Variants in IPO11 observed in about 807,000 individuals in gnomAD.
The protein encoded by IPO11 is importin-11.
Under a neutral mutation model 143.2 loss-of-function variants are expected in IPO11, and 66 were observed. The ratio of observed to expected loss-of-function variants is 0.46; its 90% CI spans 0.38 to 0.57. IPO11 has a LOEUF of 0.57. Among genes scored for constraint, IPO11 ranks in the 20% least tolerant of loss-of-function variants. IPO11 has a pLI of 0.00. For synonymous variants in IPO11, 385 were observed against 377.8 expected, an observed-to-expected ratio of 1.02 and a Z score of -0.22; for missense variants, 1,026 against 1,141.0, an observed-to-expected ratio of 0.90 and a Z score of 1.45.
chr5:62,583,243 T>A (rs1413730910), intron 27 of IPO11, among the ~76,000 whole-genome samples: 1 of 152,108 alleles, frequency 6.6e-6, no homozygotes, highest in African/African-American at 2.4e-5. Context: ...ACTTGTTCAT[T>A]GGGAAAAAAT....
At chr5:62,442,258 A>G (rs1428838439) in intron 2 of IPO11, among the ~76,000 whole-genome samples, 2 of 152,206 alleles carry the variant, frequency 1.3e-5, no homozygotes, top group Admixed American at 1.3e-4. Flanking sequence ...CTTTGAATCT[A>G]TGCTGTAGTG....
intron 5 of IPO11, among the ~76,000 whole-genome samples, chr5:62,463,260 G>A (rs1469611696): frequency 6.6e-6 from 1 of 151,876 alleles, no homozygotes; most frequent in African/African-American, 2.4e-5. Context: ...TGCCTAGGTG[G>A]GTCTTCAACT....
At chr5:62,524,629 A>C (rs1009943975) in intron 20 of IPO11, among the ~76,000 whole-genome samples, 7 of 152,120 alleles carry the variant, frequency 4.6e-5, no homozygotes, top group Non-Finnish European at 8.8e-5. Flanking sequence ...CTCCTTAATA[A>C]AGCCTTCCAA....
In IPO11 at chr5:62,487,876, G is replaced by T. The variant is rs201715533; in HGVS notation, c.1309+15G>T. 369 of 1,598,196 alleles carry T rather than the reference G, an allele frequency of 2.3e-4. 2 individuals carry two copies. Among genetic ancestry groups the T allele is most frequent in the African/African-American group, 1.3e-5 (1 of 74,208 alleles). On this transcript the variant is annotated intron_variant, in intron 13 of 29. Coordinates refer to ENST00000325324, the MANE Select transcript of IPO11 (RefSeq NM_016338.5). Reference sequence around the variant, plus strand: ...AACACTTCAAGGTAAGGCATATTTTGTGATTAACTTTGAGTTAATCTCTTT... The same window carrying T: ...AACACTTCAAGGTAAGGCATATTTTTTGATTAACTTTGAGTTAATCTCTTT...
intron 1 of IPO11, among the ~76,000 whole-genome samples, chr5:62,424,739 A>G (rs1436851566): frequency 6.6e-6 from 1 of 151,862 alleles, no homozygotes; most frequent in Non-Finnish European, 1.5e-5. Context: ...ACCACACCCA[A>G]TCTGAATATT....
chr5:62,591,510 GA>G (rs138760888), intron 27 of IPO11, 66 bp from the exon 28 acceptor site: 345 of 788,550 alleles, frequency 4.4e-4, no homozygotes, highest in South Asian at 4.7e-4. Context: ...AGATGTTTAG[GA>G]AAAAAAAAAC....
Position 62,622,361 on chromosome 5 carries a change from A to G in IPO11, c.2764-4793A>G, listed in dbSNP as rs573484889. Among the ~76,000 whole-genome samples the G allele has an allele frequency of 1.4e-3, 207 of 152,278 alleles. 5 individuals carry two copies. Among genetic ancestry groups the G allele is most frequent in the Admixed American group, 0.013 (202 of 15,290 alleles). On this transcript the variant is annotated intron_variant, in intron 29 of 29. Coordinates refer to ENST00000325324, the MANE Select transcript of IPO11 (RefSeq NM_016338.5). Reference sequence around the variant, plus strand: ...CTGCCAAGTGAAGAACTATTGTATAAAGATTTGTTGTGACTTTGCTGAGGC... The same window carrying G: ...CTGCCAAGTGAAGAACTATTGTATAGAGATTTGTTGTGACTTTGCTGAGGC...
chr5:62,543,475 A>G (rs1036098624), intron 24 of IPO11, among the ~76,000 whole-genome samples: 1 of 152,112 alleles, frequency 6.6e-6, no homozygotes, highest in Non-Finnish European at 1.5e-5. Context: ...ATTTGCATAG[A>G]GATGTTTATA....
intron 29 of IPO11, among the ~76,000 whole-genome samples, chr5:62,614,484 T>C (rs909021674): frequency 6.6e-6 from 1 of 152,232 alleles, no homozygotes; most frequent in Non-Finnish European, 1.5e-5. Context: ...TGTTGCTAAG[T>C]TCTGCAGTAC....
intron 28 of IPO11, among the ~76,000 whole-genome samples, chr5:62,599,651 G>A (rs541921473): frequency 6.6e-6 from 1 of 152,282 alleles, no homozygotes; most frequent in African/African-American, 2.4e-5. Context: ...TATTTAGCAG[G>A]CTGGAGTGCC....
At chr5:62,584,137 T>G (rs1474867624) in intron 27 of IPO11, among the ~76,000 whole-genome samples, 5 of 152,220 alleles carry the variant, frequency 3.3e-5, no homozygotes, top group African/African-American at 1.2e-4. Context: ...ACTTTTAAAT[T>G]TATAATTCCA....
chr5:62,426,931 G>GTTTTTTTTTTTTTTTTTTT (rs763031944), intron 1 of IPO11, among the ~76,000 whole-genome samples: 1 of 90,242 alleles, frequency 1.1e-5, no homozygotes, highest in Admixed American at 1.5e-4. Context: ...TTTTCTTTCT[G>GTTTTTTTTTTTTTTTTTTT]TTTTTTTTTT....
At chr5:62,505,941 G>T (rs1427340509) in intron 18 of IPO11, among the ~76,000 whole-genome samples, 1 of 152,076 alleles carries the variant, frequency 6.6e-6, no homozygotes, top group African/African-American at 2.4e-5. Context: ...TTAGTTAACA[G>T]TATAAAATTT....
chr5:62,580,430 A>G lies in IPO11; in HGVS notation c.2583-11147A>G, dbSNP rs1025389325. On this transcript the variant is annotated intron_variant, in intron 27 of 29. Transcript: ENST00000325324. ...ATGGGAGCATCTTTGAAGATCCTTA[A>G]TCTGTCATTTAATAATCTTACAGCC... is the stretch of plus-strand genomic sequence containing the variant. The G allele has an allele frequency of 1.9e-6, 3 of 1,551,272 alleles. No homozygotes were observed. Among genetic ancestry groups the G allele is most frequent in the Admixed American group, 2.0e-5 (1 of 50,950 alleles).
chr5:62,511,833 T>C (rs1216169364), intron 19 of IPO11, among the ~76,000 whole-genome samples: 3 of 149,858 alleles, frequency 2.0e-5, no homozygotes, highest in Non-Finnish European at 4.4e-5. Context: ...TTGAATAAAA[T>C]GGAAAGTTTC....
chr5:62,577,126 AC>A (rs1412489235), intron 27 of IPO11, among the ~76,000 whole-genome samples: 1 of 152,230 alleles, frequency 6.6e-6, no homozygotes, highest in Non-Finnish European at 1.5e-5. Flanking sequence ...GTCTCTAAGA[AC>A]AGCAACTCCT....
intron 20 of IPO11, among the ~76,000 whole-genome samples, chr5:62,519,871 G>C (rs1465900096): frequency 6.6e-6 from 1 of 152,172 alleles, no homozygotes; most frequent in African/African-American, 2.4e-5. Flanking sequence ...GCAGAGTTTA[G>C]TTCATTGATT....
chr5:62,523,117 A>G (rs1034993414), intron 20 of IPO11, among the ~76,000 whole-genome samples: 3 of 152,220 alleles, frequency 2.0e-5, no homozygotes, highest in African/African-American at 7.2e-5. Flanking sequence ...AGTTGGCTAA[A>G]TCAGTTAGCA....
intron 5 of IPO11, among the ~76,000 whole-genome samples, chr5:62,455,533 A>C (rs1745100720): frequency 6.6e-6 from 1 of 152,052 alleles, no homozygotes; most frequent in African/African-American, 2.4e-5. Flanking sequence ...AAGAAGAAAA[A>C]AATATTAAGC....
Sources: gnomAD v4.1 joint callset for allele counts (sites outside exome capture counted in the v4.1 genomes callset) on GRCh38, gnomAD v4.1.1 for gene constraint, MANE v1.5 for transcripts, NCBI Gene and HGNC (gene_info 2026-07-23, HGNC 2026-07-21) for gene names.